The following PHF14 variants were observed in gnomAD, a reference collection of about 807,000 sequenced individuals.
PHF14 encodes the protein PHD finger protein 14.
In PHF14, 55 loss-of-function variants were observed where a neutral mutation model predicts 117.9. That is an observed-to-expected ratio of 0.47 (90% CI 0.38 to 0.58). PHF14 has a LOEUF of 0.58. PHF14 is among the 20% of genes least tolerant of loss of function. The pLI, the probability that PHF14 is intolerant of heterozygous loss-of-function variation, is 0.00. For missense variants in PHF14, 978 were observed against 1,122.2 expected, an observed-to-expected ratio of 0.87 and a Z score of 1.84; for synonymous variants, 409 against 368.6, an observed-to-expected ratio of 1.11 and a Z score of -1.26.
At chr7:11,050,225 C>G (rs1186942224) in intron 13 of PHF14, among the ~76,000 whole-genome samples, 3 of 152,054 alleles carry the variant, frequency 2.0e-5, no homozygotes, top group Non-Finnish European at 4.4e-5. Context: ...GGAACGAAAT[C>G]AAATCATAAA....
intron 15 of PHF14, 60 bp downstream of exon 15, chr7:11,061,901 A>T (rs1191643319): frequency 6.6e-7 from 1 of 1,520,592 alleles, no homozygotes; most frequent in Non-Finnish European, 8.8e-7. Context: ...CTTGCTTAAA[A>T]TTGTTTCCCT....
chr7:10,975,574 T>C (rs1174050100), intron 2 of PHF14, among the ~76,000 whole-genome samples: 2 of 152,208 alleles, frequency 1.3e-5, no homozygotes, highest in Non-Finnish European at 2.9e-5. Context: ...AAAGTATGAT[T>C]TTCCTTTGTA....
intron 14 of PHF14, 139 bp from the exon 15 acceptor site, chr7:11,061,652 A>G (rs1454510417): frequency 3.9e-6 from 2 of 510,290 alleles, no homozygotes; most frequent in South Asian, 5.4e-5. Context: ...CCAATATAGT[A>G]TTAATTAGAA....
intron 13 of PHF14, among the ~76,000 whole-genome samples, chr7:11,048,361 C>G (rs1202062005): frequency 1.3e-5 from 2 of 152,244 alleles, no homozygotes; most frequent in African/African-American, 4.8e-5. Context: ...ATCACGAGGT[C>G]AGGAGTTCAA....
intron 14 of PHF14, among the ~76,000 whole-genome samples, chr7:11,058,662 A>G (rs1204745901): frequency 6.6e-6 from 1 of 152,220 alleles, no homozygotes; most frequent in African/African-American, 2.4e-5. Context: ...TTTGAAATGT[A>G]AGAAATCTTC....
intron 17 of PHF14, among the ~76,000 whole-genome samples, chr7:11,113,509 A>G (rs1193851099): frequency 6.6e-6 from 1 of 152,316 alleles, no homozygotes; most frequent in Admixed American, 6.5e-5. Context: ...TTTATAAAAT[A>G]TGGTTTCTAA....
At chr7:11,112,622 T>C (rs965305594) in intron 17 of PHF14, among the ~76,000 whole-genome samples, 1 of 152,006 alleles carries the variant, frequency 6.6e-6, no homozygotes, top group Non-Finnish European at 1.5e-5. Flanking sequence ...ATACAAAAAA[T>C]TAGCCAGACA....
At chr7:11,084,845 A>G (rs982167744) in intron 16 of PHF14, among the ~76,000 whole-genome samples, 7 of 152,226 alleles carry the variant, frequency 4.6e-5, no homozygotes, top group Admixed American at 4.6e-4. Flanking sequence ...TCACTCATAT[A>G]TTGATGAACC....
intron 17 of PHF14, among the ~76,000 whole-genome samples, chr7:11,136,922 G>T (rs756871480): frequency 1.3e-5 from 2 of 152,078 alleles, no homozygotes; most frequent in Non-Finnish European, 2.9e-5. Context: ...AGAAAACTTG[G>T]AGAACAATTA....
At chr7:11,159,744 C>T (rs1788969734) in intron 17 of PHF14, among the ~76,000 whole-genome samples, 1 of 151,890 alleles carries the variant, frequency 6.6e-6, no homozygotes. Flanking sequence ...CTACAAAGAT[C>T]TTAAAATTAA....
chr7:11,162,796 C>T (rs1789085176), intron 17 of PHF14, among the ~76,000 whole-genome samples: 1 of 151,210 alleles, frequency 6.6e-6, no homozygotes. Flanking sequence ...AGTGATTCTC[C>T]TGCCTCAGCC....
chr7:10,988,185 A>G (rs946892938), intron 3 of PHF14, among the ~76,000 whole-genome samples: 3 of 152,066 alleles, frequency 2.0e-5, no homozygotes, highest in Non-Finnish European at 4.4e-5. Context: ...TTACATTTCT[A>G]TTAAGAGCCT....
At chr7:11,155,906 T>A (rs1266512397) in intron 17 of PHF14, among the ~76,000 whole-genome samples, 1 of 152,176 alleles carries the variant, frequency 6.6e-6, no homozygotes, top group East Asian at 1.9e-4. Context: ...AAATTTTATT[T>A]TATAAAATAA....
Position 11,149,755 on chromosome 7 carries a change from A to G in PHF14, c.2773-19661A>G, listed in dbSNP as rs10499379. ...TTGTTATCTACTGATGATTTTCCTCATGAATGAATAGAGATTCTCACTGAA... is the reference window on the plus strand; with the variant it reads ...TTGTTATCTACTGATGATTTTCCTCGTGAATGAATAGAGATTCTCACTGAA... On this transcript the variant is annotated intron_variant, in intron 17 of 17. Coordinates refer to ENST00000634607, the MANE Select transcript of PHF14 (RefSeq NM_001007157.2). Among the ~76,000 whole-genome samples the G allele has an allele frequency of 4.3e-4, 66 of 152,104 alleles. 4 individuals are homozygous for G. The South Asian group carries it at 0.013, about 31-fold the overall frequency.
chr7:11,004,537 A>G (rs181345296), intron 4 of PHF14, among the ~76,000 whole-genome samples: 74 of 152,232 alleles, frequency 4.9e-4, no homozygotes, highest in Admixed American at 7.8e-4. Context: ...TTTAGTCTCC[A>G]TTAATCTAGA....
At chr7:11,028,199 T>A (rs936147665) in intron 6 of PHF14, among the ~76,000 whole-genome samples, 6 of 152,202 alleles carry the variant, frequency 3.9e-5, no homozygotes, top group Non-Finnish European at 8.8e-5. Context: ...ACACAAAACT[T>A]TATTTTATAA....
At chr7:11,162,862 G>A (rs1024881483) in intron 17 of PHF14, among the ~76,000 whole-genome samples, 10 of 151,970 alleles carry the variant, frequency 6.6e-5, no homozygotes, top group Non-Finnish European at 1.0e-4. Flanking sequence ...TCTTTGCTAC[G>A]AAAAGCTGCC....
At chr7:11,064,879 A>G (rs1382218241) in intron 16 of PHF14, among the ~76,000 whole-genome samples, 1 of 151,980 alleles carries the variant, frequency 6.6e-6, no homozygotes, top group African/African-American at 2.4e-5. Flanking sequence ...TAGGTACCTT[A>G]TGGATAATTG....
intron 16 of PHF14, chr7:11,104,085 A>G: frequency 4.1e-6 from 4 of 984,744 alleles, no homozygotes; most frequent in Non-Finnish European, 4.8e-6. Flanking sequence ...TTTAATATTT[A>G]GTGAGAAATT....
Sources: gnomAD v4.1 joint callset for allele counts (sites outside exome capture counted in the v4.1 genomes callset) on GRCh38, gnomAD v4.1.1 for gene constraint, MANE v1.5 for transcripts, NCBI Gene and HGNC (gene_info 2026-07-23, HGNC 2026-07-21) for gene names.